The following SEPHS2 variants were observed in gnomAD, a reference collection of about 807,000 sequenced individuals.
SEPHS2 encodes the protein selenide, water dikinase 2.
In SEPHS2, 11 loss-of-function variants were observed where a neutral mutation model predicts 23.9. The observed-to-expected ratio is 0.46, with a 90% CI of 0.29 to 0.76. SEPHS2 has a LOEUF of 0.76. SEPHS2 is among the 30% of genes least tolerant of loss of function. The probability of loss-of-function intolerance (pLI) is 0.10; values close to 1 mark genes in which losing one functional copy is unlikely to be tolerated. For synonymous variants in SEPHS2, 239 were observed against 247.5 expected (o/e 0.97, Z 0.32); for missense variants, 541 against 592.5 (o/e 0.91, Z 0.90).
In SEPHS2 at chr16:30,445,518, G is replaced by C. The variant is rs780883963; in HGVS notation, c.210C>G (p.Leu70=). ...UGCKVPQEAL[L]KLLAGLTRPD... ...GCCGCGTCAGTCCCGCCAGGAGTTT[G>C]AGCAGCGCCTCCTGCGGGACCTTGC... The change falls in exon 1 of 1, where the codon CTC becomes CTG. Residue 70 remains leucine (L), a synonymous_variant. Transcript: ENST00000478753. 2.5e-5 allele frequency: 38 copies of C among 1,535,414 alleles called. No individual in the cohort carries two copies. Among genetic ancestry groups the C allele is most frequent in the Non-Finnish European group, 2.9e-5 (33 of 1,146,772 alleles).
chr16:30,443,720 CA>C lies in SEPHS2; in HGVS notation c.*660del, dbSNP rs2050265258. Reference sequence around the variant, plus strand: ...CAGGAATCTGCCGCAAAAGACTTAACATCTTAATGACCACTGAGGCCTGGGC... The same window carrying C: ...CAGGAATCTGCCGCAAAAGACTTAACTCTTAATGACCACTGAGGCCTGGGC... On this transcript the variant is annotated 3_prime_UTR_variant, in exon 1 of 1. Transcript: ENST00000478753. 1 of 152,632 alleles carries C rather than the reference CA, an allele frequency of 6.6e-6. No homozygotes were observed. The highest frequency in any genetic ancestry group is 2.1e-4 in the South Asian group (1 of 4,840). 9.5% of individuals were successfully genotyped at this position (152,632 alleles called of 1,614,324 possible).
Position 30,445,495 on chromosome 16 carries a change from C to A in SEPHS2, c.233G>T (p.Arg78Leu), listed in dbSNP as rs1049681984. The change falls in exon 1 of 1, where the codon CGG (arginine) becomes CTG (leucine). Residue 78 changes from arginine to leucine, a missense_variant. Physicochemically the swap from Arg to Leu is moderately radical, Grantham distance 102. Coordinates refer to ENST00000478753, the MANE Select transcript of SEPHS2 (RefSeq NM_012248.4). ...GCCCAGCGGGGGCCGCACGTCCGGC[C>A]GCGTCAGTCCCGCCAGGAGTTTGAG... The part of the protein sequence containing the change: ...ALLKLLAGLT[R>L]PDVRPPLGRG... The A allele has an allele frequency of 4.6e-6, 7 of 1,537,430 alleles. No homozygotes were observed. The highest frequency in any genetic ancestry group is 6.1e-6 in the Non-Finnish European group (7 of 1,147,188).
chr16:30,445,618 G>T lies in SEPHS2; in HGVS notation c.110C>A (p.Pro37His). ...TLGRSFSNYR[P>H]FEPQALGLSP... The stretch of plus-strand genomic sequence containing the variant: ...GAGGCCCAACGCCTGGGGCTCGAAG[G>T]GCCGGTAGTTCGAGAAGCTCCGGCC... Residue 37 changes from proline to histidine, a missense_variant, in exon 1 of 1, where the codon CCC becomes CAC. Transcript: ENST00000478753. The T allele has an allele frequency of 1.3e-6, 2 of 1,537,402 alleles. No individual in the cohort carries two copies. Among genetic ancestry groups the T allele is most frequent in the Non-Finnish European group, 1.7e-6 (2 of 1,147,764 alleles).
In SEPHS2 at chr16:30,445,304, G is replaced by A. The variant is rs1198053011; in HGVS notation, c.424C>T (p.Pro142Ser). ...SLVQTTDFFY[P>S]LVEDPYMMGR... Reference sequence around the variant, plus strand: ...ATCATGTAGGGATCTTCTACCAAGGGGTAAAAGAAGTCCGTGGTCTGCACC... The same window carrying A: ...ATCATGTAGGGATCTTCTACCAAGGAGTAAAAGAAGTCCGTGGTCTGCACC... The change falls in exon 1 of 1, where the codon CCC becomes TCC. Residue 142 changes from proline to serine, a missense_variant. Pro to Ser is a moderately conservative substitution (Grantham distance 74). Transcript: ENST00000478753. 6.2e-7 allele frequency: 1 copy of A among 1,614,054 alleles called. No individual in the cohort carries two copies. Among genetic ancestry groups the A allele is most frequent in the Non-Finnish European group, 8.5e-7 (1 of 1,180,024 alleles).
chr16:30,443,873 G>A lies in SEPHS2; in HGVS notation c.*508C>T, dbSNP rs1372491371. On this transcript the variant is annotated 3_prime_UTR_variant, in exon 1 of 1. Coordinates refer to ENST00000478753, the MANE Select transcript of SEPHS2 (RefSeq NM_012248.4). ...TCATCAGACAAGTTGCTCAATTCTT[G>A]TCCAGAGCAGGAAAGAGCCAGTACT... The A allele has an allele frequency of 1.3e-5, 2 of 152,792 alleles. No individual in the cohort carries two copies. The highest frequency in any genetic ancestry group is 4.8e-5 in the African/African-American group (2 of 41,432). 9.5% of individuals were successfully genotyped at this position (152,792 alleles called of 1,614,324 possible).
rs988863261 is a variant in SEPHS2, at chr16:30,445,051, A to G, written c.677T>C (p.Val226Ala). Residue 226 changes from valine (V) to alanine (A), a missense_variant, in exon 1 of 1, where the codon GTT becomes GCT. By Grantham distance (64) the Val-to-Ala change is moderately conservative. Coordinates refer to ENST00000478753, the MANE Select transcript of SEPHS2 (RefSeq NM_012248.4). ...VVNPWIIIGG[V>A]ATVVCQPNEF... Reference sequence around the variant, plus strand: ...ATTTGGTTGGCATACTACAGTGGCAACTCCACCGATTATAATCCAAGGGTT... The same window carrying G: ...ATTTGGTTGGCATACTACAGTGGCAGCTCCACCGATTATAATCCAAGGGTT... The G allele has an allele frequency of 6.9e-6, 11 of 1,593,324 alleles. No homozygotes were observed. The Admixed American group carries it at 1.2e-4, about 17-fold the overall frequency.
Position 30,445,846 on chromosome 16 carries a change from G to C in SEPHS2, c.-119C>G. 2 of 1,314,206 alleles carry C rather than the reference G, an allele frequency of 1.5e-6. No individual in the cohort carries two copies. Among genetic ancestry groups the C allele is most frequent in the South Asian group, 1.6e-5 (1 of 63,102 alleles). 81.4% of individuals were successfully genotyped at this position (1,314,206 alleles called of 1,614,324 possible). A position where few individuals can be genotyped will look rare whatever the true frequency, so the allele number is the denominator to read the frequency against. ...GATTCTCCCTAGCGCTACTCAAGCC[G>C]TCAGACCCACGGCATGCACAATCTT... On this transcript the variant is annotated 5_prime_UTR_variant, in exon 1 of 1. Transcript: ENST00000478753.
At position 30,445,420 on chromosome 16, in the gene SEPHS2, G is replaced by C. The variant is rs370563176; in HGVS notation, c.308C>G (p.Pro103Arg). The C allele has an allele frequency of 2.0e-5, 32 of 1,582,790 alleles. No homozygotes were observed. The East Asian group carries it at 5.7e-4, about 28-fold the overall frequency. ...GGTGGGGCTGGGGCCCGCTCCTGCC[G>C]GCAGGCCGGCTTCCTGGGACGCCTC... ...QEEASQEAGL[P>R]AGAGPSPTFP... The change falls in exon 1 of 1, where the codon CCG becomes CGG. Residue 103 changes from proline to arginine, a missense_variant. Coordinates refer to ENST00000478753, the MANE Select transcript of SEPHS2 (RefSeq NM_012248.4).
Position 30,445,379 on chromosome 16 carries a change from T to G in SEPHS2, c.349A>C (p.Ile117Leu). The change falls in exon 1 of 1, where the codon ATC becomes CTC. Residue 117 changes from isoleucine to leucine, a missense_variant. Physicochemically the swap from Ile to Leu is conservative, Grantham distance 5 (BLOSUM62 2). Transcript: ENST00000478753. ...GPSPTFPALG[I>L]GMDSCVIPLR... The stretch of plus-strand genomic sequence containing the variant: ...GGGATGACGCAGGAGTCCATCCCGA[T>G]GCCCAGGGCTGGAAAGGTGGGGCTG... The G allele has an allele frequency of 6.2e-7, 1 of 1,608,166 alleles. No homozygotes were observed. Among genetic ancestry groups the G allele is most frequent in the Non-Finnish European group, 8.5e-7 (1 of 1,178,000 alleles).
In SEPHS2 at chr16:30,444,378, A is replaced by C; in HGVS notation, c.*3T>G. ...AGGTCCAAACAACTTCTGTTCTTTC[A>C]TCTCACGAGCTAGGCTCAGAGGAGG... On this transcript the variant is annotated 3_prime_UTR_variant, in exon 1 of 1. Coordinates refer to ENST00000478753, the MANE Select transcript of SEPHS2 (RefSeq NM_012248.4). The surrounding 1 kb of genome is among the most constrained non-coding windows in gnomAD (Gnocchi z 4.0). The C allele has an allele frequency of 6.3e-7, 1 of 1,589,200 alleles. No homozygotes were observed. The highest frequency in any genetic ancestry group is 8.6e-7 in the Non-Finnish European group (1 of 1,165,662).
chr16:30,444,065 TAATCAACCCCGTGCAAAGAAA>T lies in SEPHS2; in HGVS notation c.*295_*315del. 1 of 236,764 alleles carries T rather than the reference TAATCAACCCCGTGCAAAGAAA, an allele frequency of 4.2e-6. No individual in the cohort carries two copies. Among genetic ancestry groups the T allele is most frequent in the Non-Finnish European group, 8.1e-6 (1 of 123,590 alleles). 14.7% of individuals were successfully genotyped at this position (236,764 alleles called of 1,614,324 possible). ...ATAATCTCACTCCCTGTGCAGAAATTAATCAACCCCGTGCAAAGAAAAATCCCTCAACCTGGAATAGCTTCA... is the reference window on the plus strand; with the variant it reads ...ATAATCTCACTCCCTGTGCAGAAATTAATCCCTCAACCTGGAATAGCTTCA... On this transcript the variant is annotated 3_prime_UTR_variant, in exon 1 of 1. Transcript: ENST00000478753. This position sits in a 1 kb window ranked among gnomAD's most constrained non-coding sequence, Gnocchi z 4.0.
chr16:30,445,615 A>C lies in SEPHS2; in HGVS notation c.113T>G (p.Phe38Cys). Residue 38 changes from phenylalanine (F) to cysteine (C), a missense_variant, in exon 1 of 1, where the codon TTC (phenylalanine) becomes TGC (cysteine). Coordinates refer to ENST00000478753, the MANE Select transcript of SEPHS2 (RefSeq NM_012248.4). ...GCTGAGGCCCAACGCCTGGGGCTCG[A>C]AGGGCCGGTAGTTCGAGAAGCTCCG... ...LGRSFSNYRP[F>C]EPQALGLSPS... is the part of the protein sequence containing the mutation. The C allele has an allele frequency of 6.5e-7, 1 of 1,537,152 alleles. No individual in the cohort carries two copies. Among genetic ancestry groups the C allele is most frequent in the African/African-American group, 1.4e-5 (1 of 73,078 alleles).
rs1392241995 is a variant in SEPHS2, at chr16:30,443,715, C to G, written c.*666G>C. ...ATCACCAGGAATCTGCCGCAAAAGA[C>G]TTAACATCTTAATGACCACTGAGGC... On this transcript the variant is annotated 3_prime_UTR_variant, in exon 1 of 1. Transcript: ENST00000478753. 1 of 152,628 alleles carries G rather than the reference C, an allele frequency of 6.6e-6. No individual in the cohort carries two copies. Among genetic ancestry groups the G allele is most frequent in the Non-Finnish European group, 1.5e-5 (1 of 68,032 alleles). The allele number at this position is 152,628 out of a possible 1,614,324, so 9.5% of individuals were successfully genotyped here.
In SEPHS2 at chr16:30,445,422, C is replaced by G. The variant is rs1357308514; in HGVS notation, c.306G>C (p.Leu102=). 1.3e-6 allele frequency: 2 copies of G among 1,581,770 alleles called. No homozygotes were observed. The highest frequency in any genetic ancestry group is 1.7e-6 in the Non-Finnish European group (2 of 1,167,598). The stretch of plus-strand genomic sequence containing the variant: ...TGGGGCTGGGGCCCGCTCCTGCCGG[C>G]AGGCCGGCTTCCTGGGACGCCTCTT... ...GQEEASQEAG[L]PAGAGPSPTF... The change falls in exon 1 of 1, where the codon CTG becomes CTC. Residue 102 remains leucine, a synonymous_variant. Coordinates refer to ENST00000478753, the MANE Select transcript of SEPHS2 (RefSeq NM_012248.4).
rs188347460 is a variant in SEPHS2 at position 30,445,836 on chromosome 16, T to C, written c.-109A>G. 5.9e-4 allele frequency: 813 copies of C among 1,375,688 alleles called. 4 individuals are homozygous for C. The African/African-American group carries it at 0.011, about 19-fold the overall frequency. 85.2% of individuals were successfully genotyped at this position (1,375,688 alleles called of 1,614,324 possible). ...TACCTGCAGGGATTCTCCCTAGCGC[T>C]ACTCAAGCCGTCAGACCCACGGCAT... On this transcript the variant is annotated 5_prime_UTR_variant, in exon 1 of 1. Transcript: ENST00000478753.
In SEPHS2 at chr16:30,445,343, C is replaced by G. The variant is rs1325318112; in HGVS notation, c.385G>C (p.Gly129Arg). 7 of 1,612,792 alleles carry G rather than the reference C, an allele frequency of 4.3e-6. No individual in the cohort carries two copies. The highest frequency in any genetic ancestry group is 1.7e-4 in the Middle Eastern group (1 of 6,056). The change falls in exon 1 of 1, where the codon GGG becomes CGG. Residue 129 changes from glycine to arginine, a missense_variant. Physicochemically the swap from Gly to Arg is moderately radical, Grantham distance 125. This residue lies in a region of SEPHS2 where 207 missense variants were observed against 182.2 expected (regional missense o/e 1.14). Transcript: ENST00000478753. ...GTGGTCTGCACCAGTGACAGGCCCC[C>G]GTGCCTCAGGGGGATGACGCAGGAG... Reference protein sequence around the residue: ...MDSCVIPLRHGGLSLVQTTDF... With the variant: ...MDSCVIPLRHRGLSLVQTTDF...
rs1369440957 is a variant in SEPHS2, at chr16:30,445,273, C to T, written c.455G>A (p.Arg152His). The T allele has an allele frequency of 6.2e-6, 10 of 1,614,224 alleles. No individual in the cohort carries two copies. Among genetic ancestry groups the T allele is most frequent in the South Asian group, 1.1e-5 (1 of 91,090 alleles). ...ACTCAGCACGTTGGCACAAGCTATG[C>T]GCCCCATCATGTAGGGATCTTCTAC... ...PLVEDPYMMGRIACANVLSDL... is the reference protein window; with the variant it reads ...PLVEDPYMMGHIACANVLSDL... The change falls in exon 1 of 1, where the codon CGC becomes CAC. Residue 152 changes from arginine to histidine, a missense_variant. Coordinates refer to ENST00000478753, the MANE Select transcript of SEPHS2 (RefSeq NM_012248.4).
rs1357798922 is a variant in SEPHS2 at position 30,443,669 on chromosome 16, A to C, written c.*712T>G. 6.6e-6 allele frequency: 1 copy of C among 152,610 alleles called. No individual in the cohort carries two copies. Among genetic ancestry groups the C allele is most frequent in the East Asian group, 1.9e-4 (1 of 5,194 alleles). 9.5% of individuals were successfully genotyped at this position (152,610 alleles called of 1,614,324 possible). A position where few individuals can be genotyped will look rare whatever the true frequency, so the allele number is the denominator to read the frequency against. ...AGGTTTCTTTTATTTATTTAGCAAG[A>C]AATTACTCTTTATTGATCAAATCAC... On this transcript the variant is annotated 3_prime_UTR_variant, in exon 1 of 1. Transcript: ENST00000478753.
chr16:30,445,404 G>A lies in SEPHS2; in HGVS notation c.324C>T (p.Pro108=), dbSNP rs2050274727. 6.3e-7 allele frequency: 1 copy of A among 1,598,416 alleles called. No homozygotes were observed. The highest frequency in any genetic ancestry group is 8.5e-7 in the Non-Finnish European group (1 of 1,174,808). ...QEAGLPAGAG[P]SPTFPALGIG... ...TGCCCAGGGCTGGAAAGGTGGGGCT[G>A]GGGCCCGCTCCTGCCGGCAGGCCGG... Residue 108 remains proline (P), a synonymous_variant, in exon 1 of 1, where the codon CCC becomes CCT. Transcript: ENST00000478753.
Sources: allele counts gnomAD v4.1 joint callset, GRCh38; gene constraint gnomAD v4.1.1; regional missense constraint gnomAD v4.1.1; non-coding constraint Gnocchi (gnomAD v3.1); transcripts MANE v1.5; gene names NCBI Gene and HGNC (gene_info 2026-07-23, HGNC 2026-07-21).